SLC7A8: variants seen among roughly 807,000 people sequenced by gnomAD.
The protein encoded by SLC7A8 is solute carrier family 7 member 8.
Under a neutral mutation model 51.2 loss-of-function variants are expected in SLC7A8, and 30 were observed. The observed-to-expected ratio is 0.59, with a 90% confidence interval of 0.44 to 0.80. The LOEUF (loss-of-function observed/expected upper bound fraction) is 0.80, where lower values mean the gene tolerates loss of function less well. Among genes scored for constraint, SLC7A8 ranks in the 30% least tolerant of loss-of-function variants. The probability of loss-of-function intolerance (pLI) is 0.00; values close to 1 mark genes in which losing one functional copy is unlikely to be tolerated. For synonymous variants in SLC7A8, 257 were observed against 275.8 expected (o/e 0.93, Z 0.67); for missense variants, 612 against 674.4 (o/e 0.91, Z 1.03).
intron 1 of SLC7A8, among the ~76,000 whole-genome samples, chr14:23,179,237 C>G (rs1877055208): frequency 6.6e-6 from 1 of 152,148 alleles, no homozygotes; most frequent in Admixed American, 6.5e-5. Flanking sequence ...TCTTTCACAA[C>G]TAAACCATGT....
At chr14:23,177,515 T>C (rs992968480) in intron 1 of SLC7A8, among the ~76,000 whole-genome samples, 2 of 152,262 alleles carry the variant, frequency 1.3e-5, no homozygotes, top group African/African-American at 2.4e-5. Context: ...TCACAAATTG[T>C]TCTTTGCTCA....
chr14:23,155,053 A>G (rs2048881444), intron 3 of SLC7A8: 1 of 754,264 alleles, frequency 1.3e-6, no homozygotes, highest in Admixed American at 3.6e-5. Context: ...CTGCGCTTTG[A>G]TCCCAGCTTC....
intron 1 of SLC7A8, among the ~76,000 whole-genome samples, chr14:23,172,005 G>A (rs967100300): frequency 2.0e-5 from 3 of 152,214 alleles, no homozygotes; most frequent in African/African-American, 7.2e-5. Context: ...TAGAGCTGGA[G>A]GAGAAACTTT....
rs2239628 is a variant in SLC7A8, at chr14:23,128,979, T to C, written c.1263+671A>G. Among the ~76,000 whole-genome samples the C allele has an allele frequency of 0.12, 18,483 of 152,272 alleles. 1,292 individuals carry two copies. The highest frequency in any genetic ancestry group is 0.37 in the East Asian group (1,922 of 5,180). Reference sequence around the variant, plus strand: ...TCTAGAAGCATCTAGTCACTGTTTCTAGAATAGGATTGTTCAAATAGCTCT... The same window carrying C: ...TCTAGAAGCATCTAGTCACTGTTTCCAGAATAGGATTGTTCAAATAGCTCT... On this transcript the variant is annotated intron_variant, in intron 9 of 10. Transcript: ENST00000316902. This position sits in a 1 kb window ranked among gnomAD's most constrained non-coding sequence, Gnocchi z 4.3.
chr14:23,151,139 C>T (rs2048843144), intron 3 of SLC7A8, among the ~76,000 whole-genome samples: 1 of 152,226 alleles, frequency 6.6e-6, no homozygotes. Context: ...CTGCCCCACT[C>T]CTCAGGCCCC....
rs1247336951 is a variant in SLC7A8 at position 23,182,966 on chromosome 14, A to G, written c.-52T>C. ...AAGCTGCCTCCCTTTCTAAATGCGT[A>G]TTCGTGTAAATATATTGGGAGAGAG... is the stretch of plus-strand genomic sequence containing the variant. On this transcript the variant is annotated 5_prime_UTR_variant, in exon 1 of 11. Coordinates refer to ENST00000316902, the MANE Select transcript of SLC7A8 (RefSeq NM_012244.4). The G allele has an allele frequency of 6.2e-7, 1 of 1,610,076 alleles. No homozygotes were observed. Among genetic ancestry groups the G allele is most frequent in the Non-Finnish European group, 8.5e-7 (1 of 1,176,844 alleles).
chr14:23,142,960 C>T (rs2048758517), intron 4 of SLC7A8, 119 bp downstream of exon 4: 4 of 1,326,154 alleles, frequency 3.0e-6, no homozygotes, highest in Non-Finnish European at 4.2e-6. Context: ...AGAGAAGTCA[C>T]TCAAGGCTAG....
chr14:23,142,720 T>G (rs1291489792), intron 4 of SLC7A8, among the ~76,000 whole-genome samples: 1 of 152,134 alleles, frequency 6.6e-6, no homozygotes, highest in African/African-American at 2.4e-5. Context: ...CAGGCTAGTC[T>G]CAAACTCCTG....
intron 3 of SLC7A8, chr14:23,147,028 T>C (rs2140319122): frequency 6.6e-6 from 1 of 152,102 alleles, no homozygotes; most frequent in East Asian, 1.9e-4. Flanking sequence ...GGAAGCCACA[T>C]GTAGATGAGG....
chr14:23,143,924 G>T (rs1352770687), intron 3 of SLC7A8, among the ~76,000 whole-genome samples: 4 of 151,800 alleles, frequency 2.6e-5, no homozygotes, highest in Non-Finnish European at 4.4e-5. Flanking sequence ...TTCTGTGTTT[G>T]GCTTCTTTCA....
At chr14:23,181,543 G>A (rs912736261) in intron 1 of SLC7A8, among the ~76,000 whole-genome samples, 2 of 152,140 alleles carry the variant, frequency 1.3e-5, no homozygotes, top group African/African-American at 4.8e-5. Flanking sequence ...TCTGAATACT[G>A]CACTGATTTT....
chr14:23,134,129 A>G (rs2048665828), intron 7 of SLC7A8, among the ~76,000 whole-genome samples: 1 of 146,428 alleles, frequency 6.8e-6, no homozygotes, highest in Non-Finnish European at 1.5e-5. Context: ...AAGATTATTT[A>G]TGGGCCTATT....
chr14:23,182,681 A>G (rs1231247066), intron 1 of SLC7A8, 83 bp downstream of exon 1: 5 of 1,441,448 alleles, frequency 3.5e-6, no homozygotes, highest in East Asian at 2.4e-5. Flanking sequence ...TAGGAAGAAC[A>G]ATAATGCTTT....
intron 1 of SLC7A8, among the ~76,000 whole-genome samples, chr14:23,172,735 C>T (rs2048981036): frequency 6.6e-6 from 1 of 152,172 alleles, no homozygotes. Flanking sequence ...GGGAGAGCTA[C>T]CAGCACCTCG....
At chr14:23,137,277 GCT>G (rs1350277117) in intron 7 of SLC7A8, among the ~76,000 whole-genome samples, 2 of 152,124 alleles carry the variant, frequency 1.3e-5, no homozygotes, top group Admixed American at 6.6e-5. Flanking sequence ...CGGATAAAAG[GCT>G]CTTTCTTTGG....
intron 3 of SLC7A8, among the ~76,000 whole-genome samples, chr14:23,156,104 T>C (rs1424216628): frequency 1.3e-5 from 2 of 151,974 alleles, no homozygotes; most frequent in Middle Eastern, 3.2e-3. Flanking sequence ...GTTCAAGCGA[T>C]TCTCCTGCCT....
intron 3 of SLC7A8, among the ~76,000 whole-genome samples, chr14:23,145,386 C>T (rs951555968): frequency 1.3e-5 from 2 of 151,038 alleles, no homozygotes; most frequent in African/African-American, 4.9e-5. Flanking sequence ...ATTAGCTGGG[C>T]GTGGTGGTGG....
intron 1 of SLC7A8, among the ~76,000 whole-genome samples, chr14:23,168,762 T>C (rs1318137059): frequency 6.6e-6 from 1 of 152,240 alleles, no homozygotes; most frequent in Non-Finnish European, 1.5e-5. Flanking sequence ...TAAGGGTTCG[T>C]AGAAAACAAA....
intron 1 of SLC7A8, among the ~76,000 whole-genome samples, chr14:23,177,830 A>AT (rs1365195518): frequency 5.3e-5 from 8 of 152,228 alleles, no homozygotes; most frequent in African/African-American, 1.9e-4. Flanking sequence ...CTCCCCTGCT[A>AT]TACTGGGAGT....
Sources: allele counts gnomAD v4.1 joint callset (sites outside exome capture counted in the v4.1 genomes callset), GRCh38; gene constraint gnomAD v4.1.1; non-coding constraint Gnocchi (gnomAD v3.1); transcripts MANE v1.5; gene names NCBI Gene and HGNC (gene_info 2026-07-23, HGNC 2026-07-21).